The following KIAA0513 variants were observed in gnomAD, a reference collection of about 807,000 sequenced individuals.
The protein encoded by KIAA0513 is uncharacterized protein KIAA0513.
In KIAA0513, 39 loss-of-function variants were observed where a neutral mutation model predicts 56.5. That is an observed-to-expected ratio of 0.69 (90% CI 0.53 to 0.90). KIAA0513 has a LOEUF of 0.90. Ranked by LOEUF, KIAA0513 falls within the 40% of genes least tolerant of loss-of-function variation. KIAA0513 has a pLI of 0.00. For missense variants in KIAA0513, 591 were observed against 535.2 expected, an observed-to-expected ratio of 1.10 and a Z score of -1.03; for synonymous variants, 268 against 215.6, an observed-to-expected ratio of 1.24 and a Z score of -2.13.
At chr16:85,044,508 TTA>T (rs1567523717) in intron 1 of KIAA0513, among the ~76,000 whole-genome samples, 4 of 143,872 alleles carry the variant, frequency 2.8e-5, no homozygotes, top group African/African-American at 8.7e-5. Flanking sequence ...CTTTTTATTT[TTA>T]TTTTTTTTTT....
intron 5 of KIAA0513, 29 bp from the exon 6 acceptor site, chr16:85,077,396 G>A (rs1235549907): frequency 6.2e-7 from 1 of 1,609,554 alleles, no homozygotes; most frequent in African/African-American, 1.3e-5. Flanking sequence ...AGCCTCACTG[G>A]CCTCGTCTTG....
At chr16:85,054,286 G>A (rs2073296352) in intron 1 of KIAA0513, among the ~76,000 whole-genome samples, 1 of 152,124 alleles carries the variant, frequency 6.6e-6, no homozygotes, top group South Asian at 2.1e-4. Context: ...TGTCACCTTG[G>A]TCCATAAGAA....
intron 1 of KIAA0513, among the ~76,000 whole-genome samples, chr16:85,048,540 CA>C (rs1019411171): frequency 2.6e-5 from 4 of 151,292 alleles, no homozygotes; most frequent in Non-Finnish European, 2.9e-5. Context: ...CTTTTTTTCT[CA>C]AAAAACAAAG....
chr16:85,078,780 T>G (rs372359410), intron 7 of KIAA0513, 145 bp from the exon 8 acceptor site: 6 of 854,700 alleles, frequency 7.0e-6, no homozygotes, highest in East Asian at 5.1e-5. Flanking sequence ...TGGCTATGGC[T>G]AGCAGAAAAG....
intron 1 of KIAA0513, among the ~76,000 whole-genome samples, chr16:85,029,786 G>A (rs565420286): frequency 1.3e-5 from 2 of 152,342 alleles, no homozygotes; most frequent in South Asian, 2.1e-4. Context: ...CCTATTGCCC[G>A]TAATAACCCT....
rs28519470 is a variant in KIAA0513, at chr16:85,090,918, T to C, written c.*2593T>C. On this transcript the variant is annotated 3_prime_UTR_variant, in exon 13 of 13. Transcript: ENST00000683363. ...CCCCAGGACCTGGGCAGAGCAGGCA[T>C]GAGCTGGGCTGTGGTGCAGAGCAAG... The C allele has an allele frequency of 0.019, 2,867 of 152,468 alleles. 35 individuals are homozygous for C. The highest frequency in any genetic ancestry group is 0.067 in the East Asian group (349 of 5,174). 9.4% of individuals were successfully genotyped at this position (152,468 alleles called of 1,614,324 possible).
chr16:85,044,429 C>T (rs56896216), intron 1 of KIAA0513, among the ~76,000 whole-genome samples: 41 of 152,228 alleles, frequency 2.7e-4, no homozygotes, highest in Admixed American at 8.5e-4. Flanking sequence ...TCTTGGGGTT[C>T]GAAGTGAGGT....
intron 1 of KIAA0513, among the ~76,000 whole-genome samples, chr16:85,045,221 G>C (rs1597598246): frequency 6.6e-6 from 1 of 152,334 alleles, no homozygotes; most frequent in East Asian, 1.9e-4. Flanking sequence ...TCTGTGCTGT[G>C]AAAGAGCAGG....
rs2073851253 is a variant in KIAA0513 at position 85,089,936 on chromosome 16, G to A, written c.*1611G>A. On this transcript the variant is annotated 3_prime_UTR_variant, in exon 13 of 13. Transcript: ENST00000683363. This position sits in a 1 kb window ranked among gnomAD's most constrained non-coding sequence, Gnocchi z 4.2. ...TTGGACCATATGCTGCCAGACTGCA[G>A]AACGGGGGAGCCGGGGCTCAGGGCC... The A allele has an allele frequency of 6.6e-6, 1 of 152,204 alleles. No homozygotes were observed. The highest frequency in any genetic ancestry group is 1.5e-5 in the Non-Finnish European group (1 of 68,098). 9.4% of individuals were successfully genotyped at this position (152,204 alleles called of 1,614,324 possible).
At chr16:85,055,592 A>T (rs905472292) in intron 1 of KIAA0513, among the ~76,000 whole-genome samples, 4 of 152,118 alleles carry the variant, frequency 2.6e-5, no homozygotes, top group Non-Finnish European at 4.4e-5. Flanking sequence ...CCAGCTCTTG[A>T]CCTCAGCCCT....
rs904477632 is a variant in KIAA0513 at position 85,044,434 on chromosome 16, T to C, written c.-173+16576T>C. On this transcript the variant is annotated intron_variant, in intron 1 of 12. Transcript: ENST00000683363. ...ATGTTTCCTTTCTTGGGGTTCGAAG[T>C]GAGGTCCCTGCTGTTCTGGAAACAT... Among the ~76,000 whole-genome samples, 3 of 152,284 alleles carry C rather than the reference T, an allele frequency of 2.0e-5. No individual in the cohort carries two copies. The South Asian group carries it at 6.2e-4, about 32-fold the overall frequency.
At chr16:85,077,136 A>T (rs1333847697) in intron 5 of KIAA0513, among the ~76,000 whole-genome samples, 1 of 151,850 alleles carries the variant, frequency 6.6e-6, no homozygotes, top group Non-Finnish European at 1.5e-5. Flanking sequence ...CTGCCTGCAG[A>T]CCCTGCCACT....
chr16:85,056,306 G>A (rs1806123033), intron 1 of KIAA0513, among the ~76,000 whole-genome samples: 2 of 152,158 alleles, frequency 1.3e-5, no homozygotes. Context: ...GCCTTTCCGA[G>A]GCCCCCTCTC....
At chr16:85,060,167 G>C (rs1290057079) in intron 1 of KIAA0513, among the ~76,000 whole-genome samples, 2 of 152,168 alleles carry the variant, frequency 1.3e-5, no homozygotes, top group Non-Finnish European at 2.9e-5. Context: ...CACCATGTTG[G>C]CCAGGCTGGT....
intron 10 of KIAA0513, among the ~76,000 whole-genome samples, chr16:85,084,138 T>C (rs2073780328): frequency 6.7e-6 from 1 of 149,348 alleles, no homozygotes; most frequent in Non-Finnish European, 1.5e-5. Context: ...CTCAGCTCAC[T>C]GCAACCTCCA....
intron 1 of KIAA0513, among the ~76,000 whole-genome samples, chr16:85,029,928 A>G (rs1322456500): frequency 6.6e-6 from 1 of 152,204 alleles, no homozygotes; most frequent in Admixed American, 6.5e-5. Flanking sequence ...TGACTTGCCC[A>G]GGGTCTCTTT....
chr16:85,047,120 C>T (rs570994267), intron 1 of KIAA0513, among the ~76,000 whole-genome samples: 2 of 152,340 alleles, frequency 1.3e-5, no homozygotes, highest in South Asian at 2.1e-4. Flanking sequence ...TTCAGGTTCT[C>T]AGTCCCTACC....
chr16:85,079,612 A>G (rs528918638), intron 8 of KIAA0513: 2 of 152,650 alleles, frequency 1.3e-5, no homozygotes, highest in African/African-American at 2.4e-5. Flanking sequence ...GACACAGCAG[A>G]TGACAGATTG....
chr16:85,072,620 G>A (rs1007297550), intron 3 of KIAA0513, among the ~76,000 whole-genome samples: 6 of 152,190 alleles, frequency 3.9e-5, no homozygotes, highest in Admixed American at 3.3e-4. Flanking sequence ...GAAACAGCCA[G>A]TGTTGTCACT....
Sources: gnomAD v4.1 joint callset for allele counts (sites outside exome capture counted in the v4.1 genomes callset) on GRCh38, gnomAD v4.1.1 for gene constraint, Gnocchi (gnomAD v3.1) non-coding constraint, MANE v1.5 for transcripts, NCBI Gene and HGNC (gene_info 2026-07-23, HGNC 2026-07-21) for gene names.